SLC8A1: variants seen among roughly 807,000 people sequenced by gnomAD.
SLC8A1 encodes the protein solute carrier family 8 member A1.
SLC8A1 carries 18 observed loss-of-function variants against 68.3 expected under a neutral mutation model. That is an observed-to-expected ratio of 0.26 (90% CI 0.18 to 0.39). The LOEUF is 0.39. Ranked by LOEUF, SLC8A1 falls within the 10% of genes least tolerant of loss-of-function variation. The pLI, the probability that SLC8A1 is intolerant of heterozygous loss-of-function variation, is 1.00. For synonymous variants in SLC8A1, 475 were observed against 415.5 expected (o/e 1.14, Z -1.74); for missense variants, 985 against 1,156.7 (o/e 0.85, Z 2.15).
At chr2:40,244,015 G>C (rs1350897862) in intron 2 of SLC8A1, among the ~76,000 whole-genome samples, 1 of 150,808 alleles carries the variant, frequency 6.6e-6, no homozygotes, top group East Asian at 1.9e-4. Context: ...CTAGGGTCTG[G>C]GGGACAACGC....
intron 2 of SLC8A1, among the ~76,000 whole-genome samples, chr2:40,236,019 A>T (rs954804876): frequency 6.6e-6 from 1 of 151,874 alleles, no homozygotes; most frequent in African/African-American, 2.4e-5. Flanking sequence ...TTTACTTCCA[A>T]GTATGTGGTC....
intron 2 of SLC8A1, among the ~76,000 whole-genome samples, chr2:40,237,105 G>A (rs936129589): frequency 1.3e-5 from 2 of 151,788 alleles, no homozygotes; most frequent in East Asian, 3.9e-4. Context: ...TTCTCGAGGA[G>A]TATCTTTGTG....
intron 2 of SLC8A1, among the ~76,000 whole-genome samples, chr2:40,188,182 G>T (rs1335941622): frequency 6.6e-6 from 1 of 152,074 alleles, no homozygotes; most frequent in South Asian, 2.1e-4. Context: ...GCAGATTCTT[G>T]GCATCGTCAA....
intron 2 of SLC8A1, among the ~76,000 whole-genome samples, chr2:40,421,795 G>T (rs1055245563): frequency 6.6e-6 from 1 of 152,168 alleles, no homozygotes; most frequent in African/African-American, 2.4e-5. Flanking sequence ...TGTTTATTTA[G>T]CCTGGCTCTA....
intron 2 of SLC8A1, among the ~76,000 whole-genome samples, chr2:40,184,726 G>C (rs1257548786): frequency 2.0e-5 from 3 of 152,000 alleles, no homozygotes; most frequent in Non-Finnish European, 4.4e-5. Context: ...TTTCCCACAT[G>C]TAAGCCATCA....
chr2:40,289,389 A>G (rs967525709), intron 2 of SLC8A1, among the ~76,000 whole-genome samples: 1 of 152,156 alleles, frequency 6.6e-6, no homozygotes, highest in Non-Finnish European at 1.5e-5. Flanking sequence ...CACATTTGGG[A>G]GTTGTGAGAG....
chr2:40,316,796 C>T (rs563773511), intron 2 of SLC8A1, among the ~76,000 whole-genome samples: 2 of 152,080 alleles, frequency 1.3e-5, no homozygotes, highest in South Asian at 4.2e-4. Flanking sequence ...CAATACATTA[C>T]CCAGTGGTGG....
intron 1 of SLC8A1, among the ~76,000 whole-genome samples, chr2:40,498,850 G>A (rs1705875979): frequency 6.6e-6 from 1 of 151,986 alleles, no homozygotes; most frequent in Non-Finnish European, 1.5e-5. Context: ...AATTTAATAG[G>A]GGTGGATCTG....
chr2:40,206,702 T>C (rs2055520865), intron 2 of SLC8A1, among the ~76,000 whole-genome samples: 1 of 152,036 alleles, frequency 6.6e-6, no homozygotes, highest in Admixed American at 6.6e-5. Flanking sequence ...ATGTCAGAGA[T>C]AAAATTGGTA....
At chr2:40,269,523 T>G (rs753066358) in intron 2 of SLC8A1, among the ~76,000 whole-genome samples, 2 of 152,196 alleles carry the variant, frequency 1.3e-5, no homozygotes, top group Non-Finnish European at 2.9e-5. Flanking sequence ...TCCATTAGTT[T>G]AGCAGAACCC....
At chr2:40,375,329 G>T (rs13417463) in intron 2 of SLC8A1, among the ~76,000 whole-genome samples, 1 of 151,982 alleles carries the variant, frequency 6.6e-6, no homozygotes, top group Non-Finnish European at 1.5e-5. Flanking sequence ...CTTCCTGTTG[G>T]TTTGTTTGGT....
chr2:40,415,256 G>A (rs1352049475), intron 2 of SLC8A1, among the ~76,000 whole-genome samples: 2 of 152,116 alleles, frequency 1.3e-5, no homozygotes, highest in Non-Finnish European at 2.9e-5. Context: ...TAAAGCTGGA[G>A]GGGACTTCCA....
chr2:40,423,415 T>C (rs534720003), intron 2 of SLC8A1, among the ~76,000 whole-genome samples: 2 of 152,210 alleles, frequency 1.3e-5, no homozygotes, highest in Admixed American at 6.5e-5. Context: ...GCATATTTTT[T>C]CTATTTCTGT....
In SLC8A1 at chr2:40,283,827, A is replaced by G. The variant is rs2067863789; in HGVS notation, c.1809-105972T>C. On this transcript the variant is annotated intron_variant, in intron 2 of 7. Coordinates refer to ENST00000406785, the Ensembl canonical transcript of SLC8A1. ...GAACACGGTTAGACTTTCATTGACA[A>G]GAAAGGCTGGAGAATAGAGAATTGT... Among the ~76,000 whole-genome samples, 5 of 152,196 alleles carry G rather than the reference A, an allele frequency of 3.3e-5. No individual in the cohort carries two copies. The South Asian group carries it at 1.0e-3, about 32-fold the overall frequency.
At chr2:40,489,652 A>G (rs149936773) in intron 1 of SLC8A1, among the ~76,000 whole-genome samples, 148 of 152,182 alleles carry the variant, frequency 9.7e-4, no homozygotes, top group Middle Eastern at 3.4e-3. Flanking sequence ...AGGAGAGAAG[A>G]TAGCAGAAAG....
chr2:40,152,606 G>C (rs926018353), intron 6 of SLC8A1, among the ~76,000 whole-genome samples: 1 of 150,202 alleles, frequency 6.7e-6, no homozygotes, highest in Non-Finnish European at 1.5e-5. Flanking sequence ...AGTAGAGACA[G>C]AGTTTCGCCG....
intron 4 of SLC8A1, among the ~76,000 whole-genome samples, chr2:40,169,028 C>A (rs570385541): frequency 6.6e-6 from 1 of 152,252 alleles, no homozygotes; most frequent in South Asian, 2.1e-4. Flanking sequence ...ATTTTGCAAG[C>A]AATAGCAAAT....
exon 8 of SLC8A1, chr2:40,110,500 T>C (rs2034493447): frequency 6.6e-6 from 1 of 152,228 alleles, no homozygotes. Flanking sequence ...AATAGGATTC[T>C]GTATCTTCTG....
chr2:40,147,162 G>A (rs2042624954), intron 6 of SLC8A1, among the ~76,000 whole-genome samples: 1 of 152,176 alleles, frequency 6.6e-6, no homozygotes, highest in Non-Finnish European at 1.5e-5. Flanking sequence ...CTAGCTCCAT[G>A]CAAGTTCGAT....
Sources: allele counts gnomAD v4.1 joint callset (sites outside exome capture counted in the v4.1 genomes callset), GRCh38; gene constraint gnomAD v4.1.1; transcripts MANE v1.5; gene names NCBI Gene and HGNC (gene_info 2026-07-23, HGNC 2026-07-21).